The following C14orf39 variants were observed in gnomAD, a reference collection of about 807,000 sequenced individuals.
C14orf39 encodes chromosome 14 open reading frame 39, also known as protein SIX6OS1.
C14orf39 carries 66 observed loss-of-function variants against 85.6 expected under a neutral mutation model. The ratio of observed to expected loss-of-function variants is 0.77; its 90% CI spans 0.63 to 0.95. The LOEUF (loss-of-function observed/expected upper bound fraction) is 0.95, where lower values mean the gene tolerates loss of function less well. Among genes scored for constraint, C14orf39 ranks in the 40% least tolerant of loss-of-function variants. The pLI, the probability that C14orf39 is intolerant of heterozygous loss-of-function variation, is 0.00. For missense variants in C14orf39, 735 were observed against 663.9 expected, an observed-to-expected ratio of 1.11 and a Z score of -1.18; for synonymous variants, 242 against 214.0, an observed-to-expected ratio of 1.13 and a Z score of -1.14.
chr14:60,442,270 T>G (rs1000274959), intron 16 of C14orf39, 139 bp from the exon 17 acceptor site: 3 of 483,414 alleles, frequency 6.2e-6, no homozygotes, highest in Non-Finnish European at 1.1e-5. Flanking sequence ...TAGCACACTC[T>G]TATACTTAAA....
intron 11 of C14orf39, among the ~76,000 whole-genome samples, chr14:60,463,677 G>GT (rs1891644857): frequency 6.6e-6 from 1 of 152,038 alleles, no homozygotes. Flanking sequence ...TATCTTGCTA[G>GT]TTTTTTGGGA....
intron 16 of C14orf39, among the ~76,000 whole-genome samples, chr14:60,451,860 T>A (rs1891051652): frequency 6.6e-6 from 1 of 151,614 alleles, no homozygotes; most frequent in Non-Finnish European, 1.5e-5. Flanking sequence ...TTTTAAAAAT[T>A]AAAAATAAAA....
chr14:60,472,485 T>A (rs1355044937), intron 5 of C14orf39, among the ~76,000 whole-genome samples: 2 of 152,172 alleles, frequency 1.3e-5, no homozygotes, highest in Admixed American at 6.5e-5. Context: ...TGTGCCATGT[T>A]GGTGTGCTGC....
chr14:60,465,644 C>A (rs189291894), intron 11 of C14orf39, among the ~76,000 whole-genome samples: 1 of 152,078 alleles, frequency 6.6e-6, no homozygotes, highest in African/African-American at 2.4e-5. Flanking sequence ...TAATTTCCCT[C>A]TTCAATCCAA....
chr14:60,511,035 G>T lies in C14orf39; in HGVS notation c.-144+4360C>A, dbSNP rs1239408722. On this transcript the variant is annotated intron_variant, in intron 1 of 5. Coordinates refer to the C14orf39 transcript ENST00000556799. ...GCAGGAGGTGGTGGGGGCGGGCGAC[G>T]GGCGGCTGTGTTACGAGCTGTGACC... 4 of 1,590,140 alleles carry T rather than the reference G, an allele frequency of 2.5e-6. No individual in the cohort carries two copies. In the South Asian group the frequency reaches 3.4e-5, roughly 13 times the overall value.
chr14:60,445,154 C>T (rs1890702212), intron 16 of C14orf39, among the ~76,000 whole-genome samples: 1 of 152,148 alleles, frequency 6.6e-6, no homozygotes, highest in Admixed American at 6.5e-5. Context: ...GAAGAAACTA[C>T]ATCAATTAAC....
chr14:60,509,234 G>T (rs1159690103), intron 1 of C14orf39: 1 of 651,096 alleles, frequency 1.5e-6, no homozygotes, highest in Non-Finnish European at 2.7e-6. Context: ...TCCAGTCGGG[G>T]TCGTCCGCTC....
At chr14:60,500,065 T>C (rs1893118737) in intron 1 of C14orf39, among the ~76,000 whole-genome samples, 2 of 152,216 alleles carry the variant, frequency 1.3e-5, no homozygotes, top group Admixed American at 1.3e-4. Flanking sequence ...TTCGCTCTTG[T>C]TGCCCAGGCT....
intron 16 of C14orf39, among the ~76,000 whole-genome samples, chr14:60,452,867 G>C (rs906833587): frequency 1.3e-5 from 2 of 151,906 alleles, no homozygotes; most frequent in African/African-American, 2.4e-5. Flanking sequence ...TACATATTTA[G>C]GATTTTCTTA....
chr14:60,482,568 G>A (rs1300532853), intron 4 of C14orf39, among the ~76,000 whole-genome samples: 3 of 152,026 alleles, frequency 2.0e-5, no homozygotes, highest in Admixed American at 6.6e-5. Context: ...TGGTATTATC[G>A]ACCCAATGTT....
intron 1 of C14orf39, chr14:60,509,983 AG>A: frequency 6.3e-7 from 1 of 1,587,568 alleles, no homozygotes; most frequent in Non-Finnish European, 8.6e-7. Context: ...CGGTACCTAG[AG>A]GCCTCCGCGC....
chr14:60,482,985 G>A (rs941133929), intron 4 of C14orf39, among the ~76,000 whole-genome samples: 1 of 151,922 alleles, frequency 6.6e-6, no homozygotes, highest in African/African-American at 2.4e-5. Flanking sequence ...GGATGACAGG[G>A]TAGGGGACGG....
At chr14:60,469,299 A>G (rs1406214215) in intron 8 of C14orf39, among the ~76,000 whole-genome samples, 1 of 148,334 alleles carries the variant, frequency 6.7e-6, no homozygotes, top group Non-Finnish European at 1.5e-5. Context: ...ACCTAAATAT[A>G]TATATTAAAT....
At chr14:60,473,942 A>T (rs1892237114) in intron 5 of C14orf39, among the ~76,000 whole-genome samples, 1 of 152,178 alleles carries the variant, frequency 6.6e-6, no homozygotes, top group Admixed American at 6.5e-5. Context: ...TCTGTGATGA[A>T]AGTCATTGGT....
Position 60,458,732 on chromosome 14 carries a change from C to T in C14orf39, c.1125G>A (p.Glu375=), listed in dbSNP as rs1891389028. The T allele has an allele frequency of 6.2e-7, 1 of 1,600,714 alleles. No homozygotes were observed. Among genetic ancestry groups the T allele is most frequent in the African/African-American group, 1.3e-5 (1 of 74,470 alleles). The change falls in exon 14 of 18, where the codon GAG becomes GAA. Residue 375 remains glutamate, a synonymous_variant. Coordinates refer to ENST00000321731, the MANE Select transcript of C14orf39 (RefSeq NM_174978.3). ...GTCTTACTGTCCCTTTATCTCCATA[C>T]TCAGCATCTGTTGTCATATGAGAAC... is the stretch of plus-strand genomic sequence containing the variant. ...QWSEKGDKDA[E]YGDKGTVRQV...
intron 16 of C14orf39, among the ~76,000 whole-genome samples, chr14:60,450,424 C>T (rs1258875418): frequency 6.6e-6 from 1 of 152,118 alleles, no homozygotes; most frequent in East Asian, 1.9e-4. Flanking sequence ...GGGAGAGGCT[C>T]CTCTGCCTGT....
intron 1 of C14orf39, chr14:60,510,994 G>C: frequency 7.3e-7 from 1 of 1,365,048 alleles, no homozygotes; most frequent in South Asian, 1.2e-5. Context: ...ACCTCTAGCC[G>C]CCGGGCTGGA....
intron 1 of C14orf39, among the ~76,000 whole-genome samples, chr14:60,506,419 AG>A (rs1170653265): frequency 3.3e-5 from 5 of 152,220 alleles, no homozygotes; most frequent in Non-Finnish European, 7.3e-5. Flanking sequence ...ACTTGGGAGA[AG>A]TACACCTTAA....
rs1295222469 is a variant in C14orf39 at position 60,466,189 on chromosome 14, T to A, written c.896-134A>T. ...TTTTAATTTAAATTAAAATACGGAATTATGAAATTATTTTAAAACTCTTAA... is the reference window on the plus strand; with the variant it reads ...TTTTAATTTAAATTAAAATACGGAAATATGAAATTATTTTAAAACTCTTAA... On this transcript the variant is annotated intron_variant, in intron 10 of 17. Transcript: ENST00000321731. 30 of 430,228 alleles carry A rather than the reference T, an allele frequency of 7.0e-5. No individual in the cohort carries two copies. In the Admixed American group the frequency reaches 1.2e-3, roughly 18 times the overall value. 26.7% of individuals were successfully genotyped at this position (430,228 alleles called of 1,614,324 possible). A position where few individuals can be genotyped will look rare whatever the true frequency, so the allele number is the denominator to read the frequency against.
Sources: gnomAD v4.1 joint callset for allele counts (sites outside exome capture counted in the v4.1 genomes callset) on GRCh38, gnomAD v4.1.1 for gene constraint, MANE v1.5 for transcripts, NCBI Gene and HGNC (gene_info 2026-07-23, HGNC 2026-07-21) for gene names.